Variants in KALRN observed in about 807,000 individuals in gnomAD.
The protein encoded by KALRN is kalirin RhoGEF kinase.
In KALRN, 70 loss-of-function variants were observed where a neutral mutation model predicts 353.7. The ratio of observed to expected loss-of-function variants is 0.20; its 90% CI spans 0.16 to 0.24. The LOEUF is 0.24. Ranked by LOEUF, KALRN falls within the 10% of genes least tolerant of loss-of-function variation. KALRN has a pLI of 1.00. For synonymous variants in KALRN, 1,391 were observed against 1,434.8 expected, an observed-to-expected ratio of 0.97 and a Z score of 0.69; for missense variants, 2,791 against 3,756.7, an observed-to-expected ratio of 0.74 and a Z score of 6.72.
chr3:124,036,825 C>T (rs570403449), intron 1 of KALRN, among the ~76,000 whole-genome samples: 1 of 152,352 alleles, frequency 6.6e-6, no homozygotes, highest in East Asian at 1.9e-4. Flanking sequence ...ATTATTCTGT[C>T]ATTTTGGTTC....
intron 7 of KALRN, among the ~76,000 whole-genome samples, chr3:124,328,481 C>A (rs78040308): frequency 6.6e-6 from 1 of 152,168 alleles, no homozygotes; most frequent in African/African-American, 2.4e-5. Context: ...GTGTTCCCCC[C>A]ATGATTGACA....
chr3:124,712,377 CCTT>C (rs1269802373), intron 57 of KALRN, among the ~76,000 whole-genome samples: 4 of 152,032 alleles, frequency 2.6e-5, no homozygotes, highest in Non-Finnish European at 5.9e-5. Context: ...TAGAATTCCT[CCTT>C]CTTTAACATT....
At chr3:124,114,492 G>A (rs1379556750) in intron 1 of KALRN, among the ~76,000 whole-genome samples, 1 of 152,170 alleles carries the variant, frequency 6.6e-6, no homozygotes. Context: ...TTCCATCAAG[G>A]CTTGATCCTG....
Position 124,685,003 on chromosome 3 carries a change from C to G in KALRN, c.7377+5486C>G, listed in dbSNP as rs138587405. ...CCTTATCCTAGAGCTTCAAAATAAC[C>G]CGGCCAGACGGATTGAAGGAAACTT... On this transcript the variant is annotated intron_variant, in intron 51 of 59. Transcript: ENST00000682506. Among the ~76,000 whole-genome samples the G allele has an allele frequency of 3.6e-3, 551 of 152,244 alleles. 1 individual carries two copies. Among genetic ancestry groups the G allele is most frequent in the African/African-American group, 0.012 (515 of 41,546 alleles).
At position 124,722,841 on chromosome 3, in the gene KALRN, T is replaced by C. The variant is rs2063376268; in HGVS notation, c.*3371T>C. The C allele has an allele frequency of 6.6e-6, 1 of 152,224 alleles. No individual in the cohort carries two copies. Among genetic ancestry groups the C allele is most frequent in the Non-Finnish European group, 1.5e-5 (1 of 68,038 alleles). 9.4% of individuals were successfully genotyped at this position (152,224 alleles called of 1,614,324 possible). ...ATGGTCAAGGTCACAAGTTTCTTGC[T>C]TGGCTTTTATTCATTGCATAGGGTT... On this transcript the variant is annotated 3_prime_UTR_variant, in exon 60 of 60. Transcript: ENST00000682506.
chr3:124,157,462 G>A (rs906960039), intron 1 of KALRN, among the ~76,000 whole-genome samples: 2 of 152,170 alleles, frequency 1.3e-5, no homozygotes, highest in African/African-American at 2.4e-5. Flanking sequence ...AGAAATACCC[G>A]AAATGTCTTT....
chr3:124,694,269 A>G (rs1023769611), intron 52 of KALRN, 63 bp from the exon 53 acceptor site: 1 of 1,533,864 alleles, frequency 6.5e-7, no homozygotes, highest in African/African-American at 1.4e-5. Context: ...GTGTTAAAAC[A>G]AAATGGCCAT....
rs867894700 is a variant in KALRN, at chr3:124,719,561, C to T, written c.*91C>T. The stretch of plus-strand genomic sequence containing the variant: ...CTGTAAATAATTCTGTTCATCATTT[C>T]ACTCCGTGCAGTTCTCTGAATTGAG... On this transcript the variant is annotated 3_prime_UTR_variant, in exon 60 of 60. Transcript: ENST00000682506. The surrounding 1 kb of genome is among the most constrained non-coding windows in gnomAD (Gnocchi z 5.3). 9 of 1,227,384 alleles carry T rather than the reference C, an allele frequency of 7.3e-6. No homozygotes were observed. The highest frequency in any genetic ancestry group is 1.0e-5 in the Non-Finnish European group (9 of 878,264). The allele number at this position is 1,227,384 out of a possible 1,614,324, so 76.0% of individuals were successfully genotyped here.
At chr3:124,248,259 C>G (rs111635298) in intron 3 of KALRN, among the ~76,000 whole-genome samples, 2,051 of 152,332 alleles carry the variant, frequency 0.013, 40 homozygotes, top group African/African-American at 0.047. Context: ...GCTTCACCCC[C>G]CCCATACTCC....
chr3:124,132,173 T>C (rs983533800), intron 1 of KALRN, among the ~76,000 whole-genome samples: 2 of 152,192 alleles, frequency 1.3e-5, no homozygotes, highest in Non-Finnish European at 1.5e-5. Context: ...AGTATCTCTT[T>C]CCATCATTAG....
Position 124,385,002 on chromosome 3 carries a change from A to T in KALRN, c.1928A>T (p.Asp643Val). 6.2e-7 allele frequency: 1 copy of T among 1,611,868 alleles called. No homozygotes were observed. The highest frequency in any genetic ancestry group is 1.1e-5 in the South Asian group (1 of 90,510). The change falls in exon 11 of 60, where the codon GAC (aspartate) becomes GTC (valine). Residue 643 changes from aspartate (D) to valine (V), a missense_variant. Asp to Val is a radical substitution (Grantham distance 152). Transcript: ENST00000682506. ...GTGGAGCAGCGGAAGCTTCTCCTGG[A>T]CATGTCTGTTTCCTTCCACACACAC... ...RRVEQRKLLL[D>V]MSVSFHTHTK...
chr3:124,414,440 A>C (rs1207972577), intron 14 of KALRN, among the ~76,000 whole-genome samples: 2 of 152,156 alleles, frequency 1.3e-5, no homozygotes, highest in East Asian at 3.8e-4. Context: ...ATTGTTAATC[A>C]CTGGTCTTTG....
chr3:124,552,266 C>T (rs1208568048), intron 33 of KALRN, among the ~76,000 whole-genome samples: 2 of 152,190 alleles, frequency 1.3e-5, no homozygotes, highest in Admixed American at 1.3e-4. Flanking sequence ...CGCTCCCAGC[C>T]AGACCCCTTA....
At chr3:124,370,118 G>T (rs960384003) in intron 10 of KALRN, among the ~76,000 whole-genome samples, 2 of 152,194 alleles carry the variant, frequency 1.3e-5, no homozygotes, top group Admixed American at 1.3e-4. Flanking sequence ...AGACACCTTT[G>T]TAAGTGATGC....
At chr3:124,571,461 C>A (rs1324541406) in intron 34 of KALRN, among the ~76,000 whole-genome samples, 3 of 152,210 alleles carry the variant, frequency 2.0e-5, no homozygotes, top group Non-Finnish European at 2.9e-5. Context: ...GTGCCTTCTA[C>A]TCTGAGACTC....
At chr3:124,615,615 C>T (rs568397215) in intron 34 of KALRN, among the ~76,000 whole-genome samples, 4 of 152,250 alleles carry the variant, frequency 2.6e-5, no homozygotes, top group South Asian at 2.1e-4. Flanking sequence ...TTGTACTAGT[C>T]GTGTAACCTT....
intron 56 of KALRN, among the ~76,000 whole-genome samples, chr3:124,701,623 G>A (rs1448359013): frequency 6.6e-6 from 1 of 152,008 alleles, no homozygotes; most frequent in African/African-American, 2.4e-5. Context: ...TTTCTAAAAT[G>A]TCTTTTCCTT....
chr3:124,071,533 G>C (rs2060019875), intron 1 of KALRN, among the ~76,000 whole-genome samples: 1 of 152,110 alleles, frequency 6.6e-6, no homozygotes, highest in Non-Finnish European at 1.5e-5. Context: ...CCTGGTACTT[G>C]GTAATTTATA....
intron 43 of KALRN, 44 bp downstream of exon 43, chr3:124,659,501 C>T: frequency 7.5e-7 from 1 of 1,337,732 alleles, no homozygotes; most frequent in Non-Finnish European, 1.1e-6. Flanking sequence ...AAGGATCCAT[C>T]AGGCTCAGAG....
Sources: allele counts gnomAD v4.1 joint callset (sites outside exome capture counted in the v4.1 genomes callset), GRCh38; gene constraint gnomAD v4.1.1; non-coding constraint Gnocchi (gnomAD v3.1); transcripts MANE v1.5; gene names NCBI Gene and HGNC (gene_info 2026-07-23, HGNC 2026-07-21).